Variants in CAPZA1 observed in about 807,000 individuals in gnomAD.
CAPZA1 encodes capping actin protein of muscle Z-line subunit alpha 1, also known as F-actin-capping protein subunit alpha-1.
CAPZA1 carries 10 observed loss-of-function variants against 40.8 expected under a neutral mutation model. That is an observed-to-expected ratio of 0.25 (90% CI 0.15 to 0.42). The LOEUF is 0.42. CAPZA1 is among the 10% of genes least tolerant of loss of function. CAPZA1 has a pLI of 1.00. For missense variants in CAPZA1, 277 were observed against 353.8 expected (o/e 0.78, Z 1.74); for synonymous variants, 98 against 115.0 (o/e 0.85, Z 0.95).
chr1:112,653,146 G>T (rs1296881460), intron 3 of CAPZA1, among the ~76,000 whole-genome samples: 2 of 152,180 alleles, frequency 1.3e-5, no homozygotes, highest in Non-Finnish European at 1.5e-5. Context: ...AAAATTGTTG[G>T]CAGTTCACAA....
intron 1 of CAPZA1, among the ~76,000 whole-genome samples, chr1:112,633,693 T>G (rs1431327910): frequency 6.6e-6 from 1 of 152,230 alleles, no homozygotes; most frequent in Non-Finnish European, 1.5e-5. Context: ...ATGGCTGTAC[T>G]AATTTACATT....
intron 1 of CAPZA1, among the ~76,000 whole-genome samples, chr1:112,621,798 G>A (rs976121205): frequency 8.4e-6 from 1 of 119,124 alleles, no homozygotes; most frequent in Non-Finnish European, 1.6e-5. Flanking sequence ...GTCTCGCTCT[G>A]TCACCCGGGG....
At chr1:112,657,298 C>T (rs1671517605) in intron 5 of CAPZA1, among the ~76,000 whole-genome samples, 1 of 152,074 alleles carries the variant, frequency 6.6e-6, no homozygotes, top group Admixed American at 6.6e-5. Context: ...TTCCACCTTG[C>T]CCTTTCTCCC....
chr1:112,667,229 G>C, intron 8 of CAPZA1, 84 bp downstream of exon 8: 3 of 953,010 alleles, frequency 3.1e-6, no homozygotes, highest in Non-Finnish European at 4.9e-6. Context: ...TGCTGATTCT[G>C]CCAGTAGAAA....
chr1:112,668,050 T>TTTCA (rs1341293545), intron 8 of CAPZA1, among the ~76,000 whole-genome samples: 1 of 151,062 alleles, frequency 6.6e-6, no homozygotes, highest in East Asian at 2.0e-4. Context: ...CTTTGGGAGG[T>TTTCA]CGAGGCAGGT....
At chr1:112,626,117 C>T (rs1376101517) in intron 1 of CAPZA1, 1 of 152,222 alleles carries the variant, frequency 6.6e-6, no homozygotes, top group Non-Finnish European at 1.5e-5. Flanking sequence ...CTTCTCATTA[C>T]TCATCATCTA....
intron 1 of CAPZA1, among the ~76,000 whole-genome samples, chr1:112,635,986 G>A (rs1415422835): frequency 1.3e-5 from 2 of 152,114 alleles, no homozygotes; most frequent in Non-Finnish European, 2.9e-5. Flanking sequence ...CTGAGATCGC[G>A]CCACTGCACT....
rs1671347014 is a variant in CAPZA1, at chr1:112,649,647, T to C, written c.155+178T>C. 1.5e-5 allele frequency: 9 copies of C among 614,754 alleles called. No homozygotes were observed. In the East Asian group the frequency reaches 2.5e-4, roughly 17 times the overall value. The allele number at this position is 614,754 out of a possible 1,614,324, so 38.1% of individuals were successfully genotyped here. ...ACATGTTCCCCCAATTGTTGTTTAC[T>C]TCCTCAAAGCTTACTATAATATATG... is the stretch of plus-strand genomic sequence containing the variant. On this transcript the variant is annotated intron_variant, in intron 3 of 9. Coordinates refer to ENST00000263168, the MANE Select transcript of CAPZA1 (RefSeq NM_006135.3).
chr1:112,648,347 C>CTTTTTTTTTTTTTTT (rs35670246), intron 2 of CAPZA1, among the ~76,000 whole-genome samples: 1 of 99,388 alleles, frequency 1.0e-5, no homozygotes, highest in Non-Finnish European at 2.1e-5. Context: ...TTGAATTTTT[C>CTTTTTTTTTTTTTTT]TTTTTTTTTT....
intron 6 of CAPZA1, chr1:112,659,416 C>T (rs770966734): frequency 1.9e-5 from 10 of 523,916 alleles, no homozygotes; most frequent in Non-Finnish European, 3.4e-5. Context: ...TTTGGAAGAG[C>T]CTCCCATGAG....
In CAPZA1 at chr1:112,619,889, G is replaced by A. The variant is rs772555221; in HGVS notation, c.39+6G>A. On this transcript the variant is annotated splice_donor_region_variant and intron_variant, in intron 1 of 9. Coordinates refer to ENST00000263168, the MANE Select transcript of CAPZA1 (RefSeq NM_006135.3). ...GTGTGTCGGATGAGGAGAAGGTAAG[G>A]GGTCCGCCTCTCTCTCTTACCTCCT... The A allele has an allele frequency of 2.5e-6, 4 of 1,608,982 alleles. No homozygotes were observed. The highest frequency in any genetic ancestry group is 2.2e-5 in the East Asian group (1 of 44,746).
rs145433910 is a variant in CAPZA1 at position 112,648,838 on chromosome 1, G to A, written c.104-580G>A. On this transcript the variant is annotated intron_variant, in intron 2 of 9. Coordinates refer to ENST00000263168, the MANE Select transcript of CAPZA1 (RefSeq NM_006135.3). The stretch of plus-strand genomic sequence containing the variant: ...ATTAGCCAAGCATGGTGGCAGGTGC[G>A]TGTAATCCCAGCTGCTCGGGAGGCT... 9.5e-4 allele frequency among the ~76,000 whole-genome samples: 145 copies of A among 152,058 alleles called. No individual in the cohort carries two copies. The East Asian group carries it at 0.023, about 24-fold the overall frequency.
chr1:112,633,041 GA>G (rs1670951732), intron 1 of CAPZA1, among the ~76,000 whole-genome samples: 1 of 152,154 alleles, frequency 6.6e-6, no homozygotes, highest in Non-Finnish European at 1.5e-5. Flanking sequence ...TCTCAGCTGG[GA>G]AAATAATATT....
chr1:112,621,140 A>G (rs368769723), intron 1 of CAPZA1, among the ~76,000 whole-genome samples: 2 of 152,226 alleles, frequency 1.3e-5, no homozygotes, highest in South Asian at 4.1e-4. Flanking sequence ...TTATTTGGAA[A>G]CTGATCTTCA....
intron 1 of CAPZA1, among the ~76,000 whole-genome samples, chr1:112,638,096 T>C (rs1224738833): frequency 6.6e-6 from 1 of 152,122 alleles, no homozygotes; most frequent in African/African-American, 2.4e-5. Flanking sequence ...GTTGGAAGGG[T>C]ACAACAGCTA....
intron 4 of CAPZA1, 52 bp from the exon 5 acceptor site, chr1:112,654,413 G>A: frequency 8.4e-7 from 1 of 1,187,712 alleles, no homozygotes; most frequent in East Asian, 2.4e-5. Context: ...ATAAAAGGCA[G>A]TAAGAATTGT....
Position 112,670,053 on chromosome 1 carries a change from A to G in CAPZA1, c.782A>G (p.Gln261Arg). ...ACCACATTCAAGGCCTTGCGCCGGC[A>G]GCTTCCAGTTACCCGCACCAAAATC... The part of the protein sequence containing the change: ...SDTTFKALRR[Q>R]LPVTRTKIDW... Residue 261 changes from glutamine (Q) to arginine (R), a missense_variant, in exon 10 of 10, where the codon CAG becomes CGG. Physicochemically the swap from Gln to Arg is conservative, Grantham distance 43 (BLOSUM62 1). Transcript: ENST00000263168. 6.2e-7 allele frequency: 1 copy of G among 1,613,972 alleles called. No homozygotes were observed. Among genetic ancestry groups the G allele is most frequent in the Non-Finnish European group, 8.5e-7 (1 of 1,179,848 alleles).
chr1:112,647,600 C>T (rs1671305760), intron 2 of CAPZA1, among the ~76,000 whole-genome samples: 1 of 152,146 alleles, frequency 6.6e-6, no homozygotes, highest in Non-Finnish European at 1.5e-5. Context: ...TAGATCATAG[C>T]TTAATTTTCT....
chr1:112,667,155 G>T lies in CAPZA1; in HGVS notation c.657+10G>T. On this transcript the variant is annotated intron_variant, in intron 8 of 9. Transcript: ENST00000263168. Reference sequence around the variant, plus strand: ...TTCACTAACTGTTTCGGTGAGTATGGAATATTTAGTGTCTGTCTTACTCAT... The same window carrying T: ...TTCACTAACTGTTTCGGTGAGTATGTAATATTTAGTGTCTGTCTTACTCAT... The T allele has an allele frequency of 1.3e-6, 2 of 1,581,254 alleles. No homozygotes were observed. Among genetic ancestry groups the T allele is most frequent in the Non-Finnish European group, 1.7e-6 (2 of 1,154,244 alleles).
Sources: allele counts gnomAD v4.1 joint callset (sites outside exome capture counted in the v4.1 genomes callset), GRCh38; gene constraint gnomAD v4.1.1; transcripts MANE v1.5; gene names NCBI Gene and HGNC (gene_info 2026-07-23, HGNC 2026-07-21).